The following LEPR variants were observed in gnomAD, a reference collection of about 807,000 sequenced individuals.
LEPR encodes the protein OB receptor.
LEPR carries 56 observed loss-of-function variants against 114.7 expected under a neutral mutation model. The ratio of observed to expected loss-of-function variants is 0.49; its 90% CI spans 0.39 to 0.61. The LOEUF (loss-of-function observed/expected upper bound fraction) is 0.61, where lower values mean the gene tolerates loss of function less well. Ranked by LOEUF, LEPR falls within the 20% of genes least tolerant of loss-of-function variation. LEPR has a pLI of 0.00. For synonymous variants in LEPR, 443 were observed against 461.4 expected, an observed-to-expected ratio of 0.96 and a Z score of 0.51; for missense variants, 1,202 against 1,352.9, an observed-to-expected ratio of 0.89 and a Z score of 1.75.
chr1:65,450,912 A>C (rs1328689220), intron 2 of LEPR, among the ~76,000 whole-genome samples: 1 of 151,464 alleles, frequency 6.6e-6, no homozygotes, highest in Admixed American at 6.6e-5. Flanking sequence ...AAGCATTCCT[A>C]TTTCTCCACA....
chr1:65,458,212 G>A, intron 2 of LEPR, among the ~76,000 whole-genome samples: 1 of 151,614 alleles, frequency 6.6e-6, no homozygotes, highest in African/African-American at 2.4e-5. Flanking sequence ...GATACAGGAG[G>A]CTCCTTTAGC....
At chr1:65,634,698 GT>G in intron 19 of LEPR, 3 of 965,478 alleles carry the variant, frequency 3.1e-6, no homozygotes, top group South Asian at 4.8e-5. Flanking sequence ...TATGGTTATG[GT>G]TTTTTTGTAT....
At chr1:65,602,317 G>A (rs936080789) in intron 10 of LEPR, among the ~76,000 whole-genome samples, 3 of 151,788 alleles carry the variant, frequency 2.0e-5, no homozygotes, top group South Asian at 2.1e-4. Flanking sequence ...TAAAAGTTTC[G>A]TATCATTTGG....
intron 2 of LEPR, among the ~76,000 whole-genome samples, chr1:65,440,735 C>CCA (rs1397000473): frequency 6.6e-6 from 1 of 151,946 alleles, no homozygotes; most frequent in African/African-American, 2.4e-5. Flanking sequence ...CCTATGGGGC[C>CCA]CAGCAGGTCA....
chr1:65,460,980 CTTT>C (rs529223465), intron 2 of LEPR, among the ~76,000 whole-genome samples: 7 of 138,610 alleles, frequency 5.1e-5, no homozygotes, highest in Non-Finnish European at 7.8e-5. Flanking sequence ...TCTTTCTTTT[CTTT>C]TTTTTTTTTT....
intron 2 of LEPR, among the ~76,000 whole-genome samples, chr1:65,452,740 CTTT>C (rs1305289395): frequency 6.6e-6 from 1 of 151,048 alleles, no homozygotes; most frequent in Admixed American, 6.6e-5. Context: ...CTAAAATTCT[CTTT>C]TTTTGTTGTG....
At chr1:65,548,512 T>C (rs542882598) in intron 2 of LEPR, among the ~76,000 whole-genome samples, 6 of 152,266 alleles carry the variant, frequency 3.9e-5, no homozygotes, top group South Asian at 4.2e-4. Flanking sequence ...TGCATATATA[T>C]TTAAGATAGT....
intron 8 of LEPR, among the ~76,000 whole-genome samples, chr1:65,599,079 G>A (rs896856454): frequency 1.3e-5 from 2 of 151,990 alleles, no homozygotes; most frequent in East Asian, 3.8e-4. Context: ...AACTCAGAAA[G>A]CCATTTGTAT....
intron 2 of LEPR, among the ~76,000 whole-genome samples, chr1:65,476,794 T>G (rs1487528566): frequency 2.0e-5 from 3 of 152,182 alleles, no homozygotes; most frequent in African/African-American, 7.2e-5. Flanking sequence ...AATTAAAAAA[T>G]ACGTATAACT....
intron 2 of LEPR, among the ~76,000 whole-genome samples, chr1:65,440,807 C>A (rs970468): frequency 0.55 from 84,209 of 151,900 alleles, 24,122 homozygotes; most frequent in Middle Eastern, 0.67. Flanking sequence ...CAGGAGTGGC[C>A]TGATTATGTT....
chr1:65,589,571 T>G, intron 5 of LEPR, among the ~76,000 whole-genome samples: 1 of 152,082 alleles, frequency 6.6e-6, no homozygotes, highest in Middle Eastern at 3.2e-3. Context: ...AGATTTATGA[T>G]TCATTTGGAA....
chr1:65,621,570 T>C, intron 18 of LEPR, 112 bp downstream of exon 18: 1 of 869,092 alleles, frequency 1.2e-6, no homozygotes, highest in Non-Finnish European at 1.9e-6. Flanking sequence ...TGCTTTTATA[T>C]GTAGTCTGTA....
rs1172543119 is a variant in LEPR at position 65,565,577 on chromosome 1, A to G, written c.12A>G (p.Gln4=). The G allele has an allele frequency of 2.5e-6, 4 of 1,613,946 alleles. No individual in the cohort carries two copies. The highest frequency in any genetic ancestry group is 3.4e-6 in the Non-Finnish European group (4 of 1,179,952). MIC[Q]KFCVVLLHWE... Reference sequence around the variant, plus strand: ...TTCTCTGAAGTAAGATGATTTGTCAAAAATTCTGTGTGGTTTTGTTACATT... The same window carrying G: ...TTCTCTGAAGTAAGATGATTTGTCAGAAATTCTGTGTGGTTTTGTTACATT... The change falls in exon 3 of 20, where the codon CAA becomes CAG. Residue 4 remains glutamine (Q), a synonymous_variant. Transcript: ENST00000349533.
chr1:65,636,837 C>G lies in LEPR; in HGVS notation c.3320C>G (p.Pro1107Arg), dbSNP rs757397181. 3.7e-6 allele frequency: 6 copies of G among 1,612,968 alleles called. No individual in the cohort carries two copies. The highest frequency in any genetic ancestry group is 5.1e-6 in the Non-Finnish European group (6 of 1,179,640). The change falls in exon 20 of 20, where the codon CCC (proline) becomes CGC (arginine). Residue 1107 changes from proline to arginine, a missense_variant. Pro to Arg is a moderately radical substitution (Grantham distance 103). Transcript: ENST00000349533. ...KSRVSCPFPA[P>R]CLFTDIRVLQ... ...AGGGTATCGTGCCCATTCCCAGCCC[C>G]CTGTTTATTCACGGACATCAGAGTT...
At chr1:65,533,450 G>A (rs989138070) in intron 2 of LEPR, among the ~76,000 whole-genome samples, 6 of 152,000 alleles carry the variant, frequency 3.9e-5, no homozygotes, top group African/African-American at 1.2e-4. Context: ...AGCAAGACTC[G>A]TTTTAAATCT....
intron 2 of LEPR, among the ~76,000 whole-genome samples, chr1:65,466,536 G>A (rs1479476265): frequency 1.3e-5 from 2 of 152,152 alleles, no homozygotes; most frequent in African/African-American, 4.8e-5. Flanking sequence ...GTATCTTTAT[G>A]GTGTCCTCTG....
chr1:65,464,597 A>G (rs1646986473), intron 2 of LEPR, among the ~76,000 whole-genome samples: 1 of 152,230 alleles, frequency 6.6e-6, no homozygotes, highest in Non-Finnish European at 1.5e-5. Context: ...TTCAGAAGGA[A>G]TAGTACCAGC....
chr1:65,448,297 A>G (rs1457575723), intron 2 of LEPR, among the ~76,000 whole-genome samples: 4 of 152,066 alleles, frequency 2.6e-5, no homozygotes, highest in Admixed American at 2.0e-4. Flanking sequence ...TTTTTCCTTT[A>G]GCCTGTTGAT....
At chr1:65,616,278 G>A in intron 15 of LEPR, 54 bp downstream of exon 15, 1 of 1,553,804 alleles carries the variant, frequency 6.4e-7, no homozygotes, top group Non-Finnish European at 8.8e-7. Context: ...TTTAACTTTT[G>A]CAAACTCTCC....
Sources: gnomAD v4.1 joint callset for allele counts (sites outside exome capture counted in the v4.1 genomes callset) on GRCh38, gnomAD v4.1.1 for gene constraint, MANE v1.5 for transcripts, NCBI Gene and HGNC (gene_info 2026-07-23, HGNC 2026-07-21) for gene names.